ZNF423: variants seen among roughly 807,000 people sequenced by gnomAD.
ZNF423 encodes zinc finger protein 423.
A neutral mutation model predicts 95.8 loss-of-function variants in ZNF423; 12 were observed. The observed-to-expected ratio is 0.13, with a 90% CI of 0.08 to 0.20. The LOEUF (loss-of-function observed/expected upper bound fraction) is 0.20, where lower values mean the gene tolerates loss of function less well. Among genes scored for constraint, ZNF423 ranks in the 10% least tolerant of loss-of-function variants. The pLI is 1.00. For synonymous variants in ZNF423, 749 were observed against 711.9 expected, an observed-to-expected ratio of 1.05 and a Z score of -0.83; for missense variants, 1,316 against 1,737.1, an observed-to-expected ratio of 0.76 and a Z score of 4.31.
chr16:49,661,388 C>T (rs2030218988), intron 3 of ZNF423, among the ~76,000 whole-genome samples: 1 of 152,204 alleles, frequency 6.6e-6, no homozygotes, highest in Non-Finnish European at 1.5e-5. Context: ...GTCTTCCCCA[C>T]CAGGGGGGAC....
At chr16:49,661,392 G>A (rs141600604) in intron 3 of ZNF423, among the ~76,000 whole-genome samples, 2 of 152,232 alleles carry the variant, frequency 1.3e-5, no homozygotes, top group Non-Finnish European at 1.5e-5. Context: ...TCCCCACCAG[G>A]GGGGACCCCC....
chr16:49,562,142 T>G (rs1166531285), intron 5 of ZNF423, among the ~76,000 whole-genome samples: 3 of 151,982 alleles, frequency 2.0e-5, no homozygotes, highest in Non-Finnish European at 2.9e-5. Context: ...ATCACGCAAA[T>G]AAAACATCAA....
chr16:49,663,228 G>A lies in ZNF423; in HGVS notation c.302-24354C>T, dbSNP rs946327913. ...TTAACCCAGTAGCCAATAATAACACGTTATCCTATCAATTTGCTTCTGAAA... is the reference window on the plus strand; with the variant it reads ...TTAACCCAGTAGCCAATAATAACACATTATCCTATCAATTTGCTTCTGAAA... On this transcript the variant is annotated intron_variant, in intron 3 of 7. Coordinates refer to ENST00000563137, the MANE Select transcript of ZNF423 (RefSeq NM_001379286.1). Among the ~76,000 whole-genome samples the A allele has an allele frequency of 3.3e-5, 5 of 152,076 alleles. No homozygotes were observed. In the East Asian group the frequency reaches 7.7e-4, roughly 23 times the overall value.
intron 5 of ZNF423, among the ~76,000 whole-genome samples, chr16:49,550,956 G>C (rs113071805): frequency 2.3e-3 from 347 of 152,344 alleles, no homozygotes; most frequent in African/African-American, 8.2e-3. Flanking sequence ...TTGTGGCTGG[G>C]TTTGCAGGAA....
chr16:49,665,582 G>A (rs2030498911), intron 3 of ZNF423, among the ~76,000 whole-genome samples: 1 of 152,102 alleles, frequency 6.6e-6, no homozygotes, highest in Non-Finnish European at 1.5e-5. Context: ...CAAAGGCCTG[G>A]AAGTGAGACT....
chr16:49,796,172 A>G (rs1439803335), intron 1 of ZNF423, among the ~76,000 whole-genome samples: 1 of 152,018 alleles, frequency 6.6e-6, no homozygotes, highest in Admixed American at 6.5e-5. Flanking sequence ...CCCCAACTCC[A>G]CAGCAGGTGC....
chr16:49,758,263 C>T (rs548751075), intron 2 of ZNF423, among the ~76,000 whole-genome samples: 49 of 152,270 alleles, frequency 3.2e-4, no homozygotes, highest in African/African-American at 1.1e-3. Flanking sequence ...CTCGGCCTCC[C>T]GAGTAGCTGG....
chr16:49,654,842 G>A (rs535821942), intron 3 of ZNF423, among the ~76,000 whole-genome samples: 6 of 152,318 alleles, frequency 3.9e-5, no homozygotes, highest in Admixed American at 2.0e-4. Context: ...CAGAGTCCAC[G>A]CTTAGCATTT....
At chr16:49,503,173 T>C (rs7201376) in intron 7 of ZNF423, among the ~76,000 whole-genome samples, 22,472 of 151,952 alleles carry the variant, frequency 0.15, 1,992 homozygotes, top group African/African-American at 0.25. Flanking sequence ...GTGCGGCTAA[T>C]CTGCCCCACG....
intron 5 of ZNF423, among the ~76,000 whole-genome samples, chr16:49,619,067 G>C (rs1435081501): frequency 6.6e-6 from 1 of 152,108 alleles, no homozygotes; most frequent in Admixed American, 6.6e-5. Flanking sequence ...GCTTGTACTA[G>C]TTTCTTTGCC....
chr16:49,688,848 C>T (rs2031668728), intron 3 of ZNF423, among the ~76,000 whole-genome samples: 1 of 152,182 alleles, frequency 6.6e-6, no homozygotes. Flanking sequence ...CCTCCAGTTA[C>T]CCTGTGGTTG....
At chr16:49,622,570 C>T (rs1972120869) in intron 5 of ZNF423, among the ~76,000 whole-genome samples, 1 of 152,200 alleles carries the variant, frequency 6.6e-6, no homozygotes, top group Non-Finnish European at 1.5e-5. Context: ...CCCAGGGGGC[C>T]CTGTTCTGGG....
At chr16:49,663,562 G>A (rs2030365003) in intron 3 of ZNF423, among the ~76,000 whole-genome samples, 1 of 152,230 alleles carries the variant, frequency 6.6e-6, no homozygotes, top group South Asian at 2.1e-4. Context: ...CCCGGCAGCT[G>A]CACTCTGGTG....
At chr16:49,705,024 GC>G (rs951513753) in intron 3 of ZNF423, among the ~76,000 whole-genome samples, 30 of 152,280 alleles carry the variant, frequency 2.0e-4, no homozygotes, top group African/African-American at 7.0e-4. Flanking sequence ...CCTCTTTGTT[GC>G]CCGAGCTATT....
chr16:49,637,883 G>A lies in ZNF423; in HGVS notation c.1293C>T (p.Ala431=), dbSNP rs746289192. ...TGGTCTTCAGGTGGATCTCCAGCAC[G>A]GCCAGGCTGTTAAAGTCCCGCTTGG... ...YCSKRDFNSL[A]VLEIHLKTIH... Residue 431 remains alanine, a synonymous_variant, in exon 4 of 8, where the codon GCC becomes GCT. Transcript: ENST00000563137. The surrounding 1 kb of genome is among the most constrained non-coding windows in gnomAD (Gnocchi z 5.6). 6.2e-6 allele frequency: 10 copies of A among 1,614,040 alleles called. No homozygotes were observed. The highest frequency in any genetic ancestry group is 4.0e-5 in the African/African-American group (3 of 74,922).
chr16:49,679,740 C>T (rs79489327), intron 3 of ZNF423, among the ~76,000 whole-genome samples: 5,560 of 152,320 alleles, frequency 0.037, 162 homozygotes, highest in East Asian at 0.072. Flanking sequence ...CAGAAAGGGG[C>T]GGGTCCCCAG....
intron 3 of ZNF423, among the ~76,000 whole-genome samples, chr16:49,709,183 T>TATATATATATATATATATATATA (rs58833331): frequency 1.4e-5 from 2 of 145,310 alleles, no homozygotes; most frequent in African/African-American, 2.6e-5. Flanking sequence ...TATATATATA[T>TATATATATATATATATATATATA]GAAAACGGAG....
At chr16:49,582,815 A>G (rs1029016083) in intron 5 of ZNF423, among the ~76,000 whole-genome samples, 16 of 152,260 alleles carry the variant, frequency 1.1e-4, no homozygotes, top group African/African-American at 3.9e-4. Flanking sequence ...AACACTTATT[A>G]GCACCATTTT....
chr16:49,685,188 G>A (rs1158125113), intron 3 of ZNF423, among the ~76,000 whole-genome samples: 2 of 152,170 alleles, frequency 1.3e-5, no homozygotes, highest in African/African-American at 4.8e-5. Flanking sequence ...ATCTGAAGTT[G>A]GAGGAGGAGG....
Sources: allele counts gnomAD v4.1 joint callset (sites outside exome capture counted in the v4.1 genomes callset), GRCh38; gene constraint gnomAD v4.1.1; non-coding constraint Gnocchi (gnomAD v3.1); transcripts MANE v1.5; gene names NCBI Gene and HGNC (gene_info 2026-07-23, HGNC 2026-07-21).